The following NRXN3 variants were observed in gnomAD, a reference collection of about 807,000 sequenced individuals.
NRXN3 encodes the protein neurexin III.
A neutral mutation model predicts 137.6 loss-of-function variants in NRXN3; 32 were observed. The ratio of observed to expected loss-of-function variants is 0.23; its 90% confidence interval spans 0.18 to 0.31. The LOEUF is 0.31. NRXN3 is among the 10% of genes least tolerant of loss of function. The probability of loss-of-function intolerance (pLI) is 1.00; values close to 1 mark genes in which losing one functional copy is unlikely to be tolerated. For missense variants in NRXN3, 1,574 were observed against 2,062.5 expected, an observed-to-expected ratio of 0.76 and a Z score of 4.59; for synonymous variants, 798 against 784.5, an observed-to-expected ratio of 1.02 and a Z score of -0.29.
intron 1 of NRXN3, among the ~76,000 whole-genome samples, chr14:78,212,924 G>T (rs918864674): frequency 6.6e-6 from 1 of 152,126 alleles, no homozygotes; most frequent in Non-Finnish European, 1.5e-5. Flanking sequence ...AGCTTTTCTG[G>T]TTAAAATGTG....
intron 15 of NRXN3, among the ~76,000 whole-genome samples, chr14:79,196,866 C>G (rs72688944): frequency 0.084 from 12,836 of 152,230 alleles, 687 homozygotes; most frequent in Non-Finnish European, 0.12. Context: ...TCCAGCAGCA[C>G]AGGACAATAA....
chr14:79,608,213 A>T (rs1415646493), intron 16 of NRXN3, among the ~76,000 whole-genome samples: 1 of 152,178 alleles, frequency 6.6e-6, no homozygotes, highest in Non-Finnish European at 1.5e-5. Context: ...AAGATTTTGT[A>T]CAATTGATAT....
At position 79,730,100 on chromosome 14, in the gene NRXN3, G is replaced by A. The variant is rs933819963; in HGVS notation, c.4014+32163G>A. 5.9e-5 allele frequency among the ~76,000 whole-genome samples: 9 copies of A among 152,256 alleles called. No individual in the cohort carries two copies. In the South Asian group the frequency reaches 6.2e-4, roughly 11 times the overall value. ...GAATTATACATGTTTTTAATGGACCGAGGAAGAAGCCAGATTTGTGTATGC... is the reference window on the plus strand; with the variant it reads ...GAATTATACATGTTTTTAATGGACCAAGGAAGAAGCCAGATTTGTGTATGC... On this transcript the variant is annotated intron_variant, in intron 19 of 20. Coordinates refer to ENST00000335750, the MANE Select transcript of NRXN3 (RefSeq NM_001330195.2).
At chr14:78,225,874 T>C (rs1352936498) in intron 1 of NRXN3, among the ~76,000 whole-genome samples, 1 of 152,038 alleles carries the variant, frequency 6.6e-6, no homozygotes, top group East Asian at 1.9e-4. Context: ...CTATCTCTCC[T>C]CACCCACTAA....
chr14:78,847,458 C>G (rs1271971650), intron 10 of NRXN3, among the ~76,000 whole-genome samples: 1 of 152,030 alleles, frequency 6.6e-6, no homozygotes, highest in Non-Finnish European at 1.5e-5. Flanking sequence ...TTTGTCATTT[C>G]TCGAAGTACT....
At chr14:79,046,671 C>T (rs1178672277) in intron 15 of NRXN3, among the ~76,000 whole-genome samples, 3 of 152,130 alleles carry the variant, frequency 2.0e-5, no homozygotes, top group Non-Finnish European at 4.4e-5. Flanking sequence ...GATTCTATGA[C>T]CTAGCTCAAG....
At chr14:79,838,277 TTAATACTA>T (rs1265183304) in intron 20 of NRXN3, among the ~76,000 whole-genome samples, 1 of 152,174 alleles carries the variant, frequency 6.6e-6, no homozygotes, top group Non-Finnish European at 1.5e-5. Flanking sequence ...TTACTATAGA[TTAATACTA>T]TGAAACAGGA....
At chr14:78,591,730 C>A (rs1017592439) in intron 4 of NRXN3, among the ~76,000 whole-genome samples, 1 of 152,166 alleles carries the variant, frequency 6.6e-6, no homozygotes, top group Admixed American at 6.5e-5. Flanking sequence ...GGTTGTTTGA[C>A]CAGCTTCTAC....
At chr14:78,761,690 A>T (rs1328699167) in intron 8 of NRXN3, among the ~76,000 whole-genome samples, 2 of 152,172 alleles carry the variant, frequency 1.3e-5, no homozygotes, top group Non-Finnish European at 2.9e-5. Context: ...TTAATGAAAG[A>T]GTCTGTGGCT....
chr14:78,999,837 G>A (rs73317278), intron 15 of NRXN3, among the ~76,000 whole-genome samples: 7,368 of 152,244 alleles, frequency 0.048, 643 homozygotes, highest in African/African-American at 0.17. Flanking sequence ...CTTCCAAAGT[G>A]ATGTTGTGGT....
intron 17 of NRXN3, among the ~76,000 whole-genome samples, chr14:79,678,848 T>C (rs2098654506): frequency 6.6e-6 from 1 of 152,150 alleles, no homozygotes; most frequent in African/African-American, 2.4e-5. Flanking sequence ...ATTGCAAAGA[T>C]AAAAGCAGGT....
chr14:79,218,527 G>A (rs1305503965), intron 15 of NRXN3, among the ~76,000 whole-genome samples: 2 of 152,134 alleles, frequency 1.3e-5, no homozygotes, highest in Non-Finnish European at 2.9e-5. Flanking sequence ...CAATAAGAAA[G>A]TTAAAGAAGA....
intron 6 of NRXN3, among the ~76,000 whole-genome samples, chr14:78,701,965 G>A (rs1279436365): frequency 6.6e-6 from 1 of 152,212 alleles, no homozygotes; most frequent in African/African-American, 2.4e-5. Context: ...TGAGCCCCAG[G>A]TTGGATGTCA....
intron 8 of NRXN3, among the ~76,000 whole-genome samples, chr14:78,782,322 G>A (rs1033899161): frequency 6.6e-6 from 1 of 152,158 alleles, no homozygotes; most frequent in Admixed American, 6.5e-5. Context: ...TTTACTTGTG[G>A]TTTAATCGAG....
At chr14:78,597,870 C>G (rs747558742) in intron 4 of NRXN3, among the ~76,000 whole-genome samples, 3 of 152,164 alleles carry the variant, frequency 2.0e-5, no homozygotes, top group East Asian at 3.9e-4. Context: ...GTGATGACCA[C>G]GGCTAGTTGA....
chr14:78,709,633 C>A lies in NRXN3; in HGVS notation c.1638C>A (p.Asp546Glu). ...KANDGEWYHV[D>E]IQRDGRSGTI... ...ATGATGGGGAATGGTACCATGTGGA[C>A]ATTCAGCGAGATGGCAGATCAGGTA... Residue 546 changes from aspartate (D) to glutamate (E), a missense_variant, in exon 7 of 21, where the codon GAC becomes GAA. By Grantham distance (45) the Asp-to-Glu change is conservative (BLOSUM62 2). Transcript: ENST00000335750. The A allele has an allele frequency of 2.5e-6, 4 of 1,611,986 alleles. No homozygotes were observed. Among genetic ancestry groups the A allele is most frequent in the Non-Finnish European group, 3.4e-6 (4 of 1,179,266 alleles).
At chr14:79,279,826 C>A in intron 15 of NRXN3, 7 of 994,172 alleles carry the variant, frequency 7.0e-6, no homozygotes, top group Non-Finnish European at 8.4e-6. Context: ...AATGTTCAAA[C>A]TCCTTGGATG....
intron 4 of NRXN3, among the ~76,000 whole-genome samples, chr14:78,407,162 G>A (rs2092537445): frequency 1.3e-5 from 2 of 152,108 alleles, no homozygotes; most frequent in African/African-American, 4.8e-5. Flanking sequence ...TCCTGAGTGG[G>A]AAGCTTAGAG....
At chr14:79,339,435 A>AT (rs1408476209) in intron 15 of NRXN3, among the ~76,000 whole-genome samples, 1 of 152,198 alleles carries the variant, frequency 6.6e-6, no homozygotes, top group Non-Finnish European at 1.5e-5. Flanking sequence ...TTTCATTTCT[A>AT]ACAACCTTCC....
Sources: allele counts gnomAD v4.1 joint callset (sites outside exome capture counted in the v4.1 genomes callset), GRCh38; gene constraint gnomAD v4.1.1; transcripts MANE v1.5; gene names NCBI Gene and HGNC (gene_info 2026-07-23, HGNC 2026-07-21).